NRXN1: variants seen among roughly 807,000 people sequenced by gnomAD.
NRXN1 encodes neurexin 1, also known as neurexin-1.
In NRXN1, 39 loss-of-function variants were observed where a neutral mutation model predicts 150.9. The observed-to-expected ratio is 0.26, with a 90% CI of 0.20 to 0.34. The LOEUF is 0.34. Among genes scored for constraint, NRXN1 ranks in the 10% least tolerant of loss-of-function variants. The pLI is 1.00. For synonymous variants in NRXN1, 924 were observed against 757.0 expected (o/e 1.22, Z -3.62); for missense variants, 1,815 against 1,949.9 (o/e 0.93, Z 1.30).
At chr2:50,497,095 G>C (rs902297005) in intron 14 of NRXN1, among the ~76,000 whole-genome samples, 230 of 152,234 alleles carry the variant, frequency 1.5e-3, no homozygotes, top group African/African-American at 5.0e-3. Context: ...CCATAAATTA[G>C]AGCCCAATGT....
At chr2:50,284,533 A>G (rs527622954) in intron 17 of NRXN1, among the ~76,000 whole-genome samples, 6 of 152,286 alleles carry the variant, frequency 3.9e-5, no homozygotes, top group Admixed American at 3.9e-4. Context: ...TAATCTTCAT[A>G]TGGAAAAAGG....
intron 18 of NRXN1, among the ~76,000 whole-genome samples, chr2:50,222,749 G>C (rs76583923): frequency 7.9e-5 from 12 of 151,840 alleles, no homozygotes; most frequent in African/African-American, 2.9e-4. Context: ...AAATACTCAA[G>C]TTGCAGAATA....
At chr2:50,873,147 G>T (rs1678043623) in intron 5 of NRXN1, among the ~76,000 whole-genome samples, 1 of 151,828 alleles carries the variant, frequency 6.6e-6, no homozygotes, top group South Asian at 2.1e-4. Context: ...CTGTGCCTCA[G>T]TTTCTTTATA....
chr2:50,250,834 G>A (rs2066969199), intron 17 of NRXN1, among the ~76,000 whole-genome samples: 1 of 151,264 alleles, frequency 6.6e-6, no homozygotes, highest in South Asian at 2.1e-4. Context: ...TGCAGTACGT[G>A]CAGGTTTATT....
intron 21 of NRXN1, among the ~76,000 whole-genome samples, chr2:50,051,816 T>C (rs1192975652): frequency 6.6e-6 from 1 of 152,086 alleles, no homozygotes; most frequent in African/African-American, 2.4e-5. Flanking sequence ...TAGAAAAGTA[T>C]CTGGCACATG....
intron 8 of NRXN1, among the ~76,000 whole-genome samples, chr2:50,557,277 G>A (rs545405971): frequency 1.1e-4 from 17 of 152,084 alleles, no homozygotes; most frequent in Admixed American, 6.6e-5. Context: ...ATTACAATGG[G>A]GGTCTTAACT....
chr2:50,434,204 C>T (rs1426006008), intron 17 of NRXN1, among the ~76,000 whole-genome samples: 3 of 151,502 alleles, frequency 2.0e-5, no homozygotes, highest in African/African-American at 2.4e-5. Context: ...GGACTAGAGG[C>T]GCCCGCCACC....
At chr2:50,882,034 A>T (rs1000683764) in intron 5 of NRXN1, among the ~76,000 whole-genome samples, 1 of 151,904 alleles carries the variant, frequency 6.6e-6, no homozygotes, top group African/African-American at 2.4e-5. Context: ...TTCTTTGCAA[A>T]TAACTACTTT....
intron 15 of NRXN1, among the ~76,000 whole-genome samples, chr2:50,484,229 T>C (rs2090702909): frequency 6.6e-6 from 1 of 152,338 alleles, no homozygotes; most frequent in Admixed American, 6.5e-5. Flanking sequence ...TGGAGTCAAA[T>C]CACACTCTTG....
Position 50,953,524 on chromosome 2 carries a change from T to C in NRXN1, c.773-27569A>G, listed in dbSNP as rs546873745. The stretch of plus-strand genomic sequence containing the variant: ...AGAAAAAAGCTACAACAAGAAAAAG[T>C]AGTATTACAGTATTTCTATGTTCAA... On this transcript the variant is annotated intron_variant, in intron 2 of 22. Coordinates refer to ENST00000401669, the MANE Select transcript of NRXN1 (RefSeq NM_001330078.2). 2.6e-5 allele frequency among the ~76,000 whole-genome samples: 4 copies of C among 151,878 alleles called. No homozygotes were observed. The South Asian group carries it at 6.2e-4, about 24-fold the overall frequency.
intron 17 of NRXN1, among the ~76,000 whole-genome samples, chr2:50,323,141 A>G (rs1179906891): frequency 6.6e-6 from 1 of 152,176 alleles, no homozygotes; most frequent in South Asian, 2.1e-4. Flanking sequence ...ACTGTACCCT[A>G]TATGGTTGTT....
intron 5 of NRXN1, among the ~76,000 whole-genome samples, chr2:50,828,993 G>A (rs899245724): frequency 3.9e-5 from 6 of 152,306 alleles, no homozygotes; most frequent in Non-Finnish European, 7.4e-5. Flanking sequence ...TCGGGAGGCC[G>A]AGGCTGGCGG....
At chr2:50,790,827 C>A (rs1705836468) in intron 5 of NRXN1, among the ~76,000 whole-genome samples, 2 of 152,050 alleles carry the variant, frequency 1.3e-5, no homozygotes, top group Non-Finnish European at 2.9e-5. Flanking sequence ...CTAAAGAATG[C>A]TGAATAAACT....
intron 5 of NRXN1, among the ~76,000 whole-genome samples, chr2:50,869,402 T>C (rs897772637): frequency 7.9e-5 from 12 of 151,458 alleles, no homozygotes; most frequent in African/African-American, 2.9e-4. Flanking sequence ...TTAGAAACAA[T>C]TTGGAAGAAA....
At chr2:50,186,743 T>C (rs894335150) in intron 18 of NRXN1, among the ~76,000 whole-genome samples, 11 of 151,954 alleles carry the variant, frequency 7.2e-5, no homozygotes, top group African/African-American at 2.7e-4. Context: ...GCGGAATTTG[T>C]GAGGGTATAA....
intron 8 of NRXN1, among the ~76,000 whole-genome samples, chr2:50,608,188 A>G (rs1257015300): frequency 6.6e-6 from 1 of 152,142 alleles, no homozygotes; most frequent in Non-Finnish European, 1.5e-5. Context: ...CAATCAAGGT[A>G]TATCCTGATT....
At chr2:50,780,425 TG>T (rs1198122295) in intron 5 of NRXN1, among the ~76,000 whole-genome samples, 1 of 152,214 alleles carries the variant, frequency 6.6e-6, no homozygotes, top group African/African-American at 2.4e-5. Flanking sequence ...TTGTATATGT[TG>T]CCCATCAGTT....
intron 15 of NRXN1, among the ~76,000 whole-genome samples, chr2:50,490,523 TAAA>T (rs2091189606): frequency 6.6e-6 from 1 of 152,162 alleles, no homozygotes; most frequent in East Asian, 1.9e-4. Flanking sequence ...CACACTGTAT[TAAA>T]CCCTGTACTG....
chr2:50,973,377 C>CT (rs1453624900), intron 2 of NRXN1, among the ~76,000 whole-genome samples: 1 of 152,080 alleles, frequency 6.6e-6, no homozygotes, highest in Non-Finnish European at 1.5e-5. Flanking sequence ...TGTTCAAGGG[C>CT]TAATGATTTT....
Sources: gnomAD v4.1 joint callset for allele counts (sites outside exome capture counted in the v4.1 genomes callset) on GRCh38, gnomAD v4.1.1 for gene constraint, MANE v1.5 for transcripts, NCBI Gene and HGNC (gene_info 2026-07-23, HGNC 2026-07-21) for gene names.